The following KCNIP4 variants were observed in gnomAD, a reference collection of about 807,000 sequenced individuals.
The protein encoded by KCNIP4 is potassium voltage-gated channel interacting protein 4.
A neutral mutation model predicts 34.0 loss-of-function variants in KCNIP4; 12 were observed. The ratio of observed to expected loss-of-function variants is 0.35; its 90% CI spans 0.23 to 0.57. The LOEUF (loss-of-function observed/expected upper bound fraction) is 0.57. Among genes scored for constraint, KCNIP4 ranks in the 20% least tolerant of loss-of-function variants. KCNIP4 has a pLI of 0.83. For missense variants in KCNIP4, 238 were observed against 311.7 expected, an observed-to-expected ratio of 0.76 and a Z score of 1.78; for synonymous variants, 124 against 102.2, an observed-to-expected ratio of 1.21 and a Z score of -1.29.
At chr4:21,174,872 C>G (rs995277425) in intron 1 of KCNIP4, among the ~76,000 whole-genome samples, 1 of 150,142 alleles carries the variant, frequency 6.7e-6, no homozygotes, top group African/African-American at 2.5e-5. Flanking sequence ...TGCACTCCAG[C>G]CCCTGGGTGA....
chr4:21,029,632 G>C (rs1330670849), intron 1 of KCNIP4, among the ~76,000 whole-genome samples: 1 of 152,182 alleles, frequency 6.6e-6, no homozygotes, highest in Admixed American at 6.5e-5. Flanking sequence ...ACCATTGGAG[G>C]GAAGCTGTTG....
intron 1 of KCNIP4, among the ~76,000 whole-genome samples, chr4:21,043,918 G>C (rs897239377): frequency 6.6e-6 from 1 of 152,094 alleles, no homozygotes; most frequent in Non-Finnish European, 1.5e-5. Context: ...TGGTCCTATA[G>C]TATCCAAATC....
At chr4:21,352,771 A>C (rs1184003795) in intron 1 of KCNIP4, among the ~76,000 whole-genome samples, 4 of 152,220 alleles carry the variant, frequency 2.6e-5, no homozygotes, top group Non-Finnish European at 4.4e-5. Context: ...TGAAGAGAGC[A>C]GTGGTTCTCC....
At chr4:21,690,925 A>G (rs541704796) in intron 1 of KCNIP4, among the ~76,000 whole-genome samples, 26 of 152,284 alleles carry the variant, frequency 1.7e-4, no homozygotes, top group African/African-American at 6.0e-4. Context: ...ACATACAGAG[A>G]AATATTTGAG....
intron 1 of KCNIP4, among the ~76,000 whole-genome samples, chr4:21,608,059 T>C (rs1312643156): frequency 6.6e-6 from 1 of 152,058 alleles, no homozygotes; most frequent in African/African-American, 2.4e-5. Flanking sequence ...TTACTCATGG[T>C]GCTTTTCTCT....
chr4:21,302,707 G>A (rs774525010), intron 1 of KCNIP4, among the ~76,000 whole-genome samples: 4 of 151,792 alleles, frequency 2.6e-5, no homozygotes, highest in East Asian at 3.9e-4. Context: ...CGCCTCCTGC[G>A]CCCTGCATCC....
At chr4:20,968,204 A>T (rs1371759444) in intron 1 of KCNIP4, among the ~76,000 whole-genome samples, 1 of 152,246 alleles carries the variant, frequency 6.6e-6, no homozygotes, top group Non-Finnish European at 1.5e-5. Flanking sequence ...CATCAGAGAA[A>T]TGCAAATCAA....
In KCNIP4 at chr4:21,710,599, C is replaced by T. The variant is rs570116947; in HGVS notation, c.61+237972G>A. Among the ~76,000 whole-genome samples, 78 of 152,262 alleles carry T rather than the reference C, an allele frequency of 5.1e-4. 1 individual carries two copies. The highest frequency in any genetic ancestry group is 1.8e-3 in the African/African-American group (73 of 41,562). ...TGCAGATCCAGCCACAGCTGACCTT[C>T]GGCCCCATGTGAACTCTGTAGCCAA... is the stretch of plus-strand genomic sequence containing the variant. On this transcript the variant is annotated intron_variant, in intron 1 of 8. Coordinates refer to ENST00000382152, the MANE Select transcript of KCNIP4 (RefSeq NM_025221.6).
rs6816075 is a variant in KCNIP4 at position 21,370,882 on chromosome 4, C to T, written c.62-488173G>A. On this transcript the variant is annotated intron_variant, in intron 1 of 8. Coordinates refer to ENST00000382152, the MANE Select transcript of KCNIP4 (RefSeq NM_025221.6). ...ACACACACACACACACACACACACA[C>T]GTGTGTGTGTGTGTGTGTGTATTAG... Among the ~76,000 whole-genome samples, 266 of 39,274 alleles carry T rather than the reference C, an allele frequency of 6.8e-3. 27 individuals carry two copies. Among genetic ancestry groups the T allele is most frequent in the South Asian group, 8.1e-3 (7 of 864 alleles). The allele number at this position is 39,274 out of a possible 152,430, so 25.8% of individuals were successfully genotyped here. A position where few individuals can be genotyped will look rare whatever the true frequency, so the allele number is the denominator to read the frequency against.
chr4:21,593,123 G>T lies in KCNIP4; in HGVS notation c.61+355448C>A, dbSNP rs865811565. Among the ~76,000 whole-genome samples, 815 of 150,004 alleles carry T rather than the reference G, an allele frequency of 5.4e-3. 9 individuals are homozygous for T. Among genetic ancestry groups the T allele is most frequent in the African/African-American group, 0.018 (739 of 40,800 alleles). On this transcript the variant is annotated intron_variant, in intron 1 of 8. Coordinates refer to ENST00000382152, the MANE Select transcript of KCNIP4 (RefSeq NM_025221.6). Reference sequence around the variant, plus strand: ...AAATAATGTGTGTGTGTGTGTTTGTGTGTGTGTGTGTGTGTGTGTGTGTTT... The same window carrying T: ...AAATAATGTGTGTGTGTGTGTTTGTTTGTGTGTGTGTGTGTGTGTGTGTTT...
chr4:20,932,753 T>C (rs898805254), intron 1 of KCNIP4, among the ~76,000 whole-genome samples: 1 of 152,174 alleles, frequency 6.6e-6, no homozygotes, highest in African/African-American at 2.4e-5. Flanking sequence ...TTTTTAAAGA[T>C]TTTAACATAA....
chr4:21,085,384 A>G (rs962198604), intron 1 of KCNIP4, among the ~76,000 whole-genome samples: 4 of 152,188 alleles, frequency 2.6e-5, no homozygotes, highest in Non-Finnish European at 5.9e-5. Flanking sequence ...CATTCAGTCT[A>G]TATAGTATTC....
chr4:21,280,043 G>T (rs1255099733), intron 1 of KCNIP4, among the ~76,000 whole-genome samples: 1 of 152,146 alleles, frequency 6.6e-6, no homozygotes, highest in Non-Finnish European at 1.5e-5. Context: ...TCAGTTTCTA[G>T]TCACTCAGTT....
At chr4:21,903,499 G>A (rs1205784297) in intron 1 of KCNIP4, among the ~76,000 whole-genome samples, 1 of 152,134 alleles carries the variant, frequency 6.6e-6, no homozygotes, top group Non-Finnish European at 1.5e-5. Context: ...GTCTTTCAAA[G>A]CTTAAACAGA....
At chr4:20,823,858 A>C (rs1013635034) in intron 3 of KCNIP4, among the ~76,000 whole-genome samples, 1 of 152,220 alleles carries the variant, frequency 6.6e-6, no homozygotes. Context: ...CAATAGTCAA[A>C]GCCTTAAAAT....
intron 1 of KCNIP4, among the ~76,000 whole-genome samples, chr4:21,731,114 C>A (rs377580658): frequency 2.3e-4 from 31 of 135,132 alleles, no homozygotes; most frequent in Admixed American, 2.9e-4. Flanking sequence ...GAACCTGTCT[C>A]AAAAAAAAAA....
At chr4:21,677,906 C>T (rs541769553) in intron 1 of KCNIP4, among the ~76,000 whole-genome samples, 3 of 152,154 alleles carry the variant, frequency 2.0e-5, no homozygotes, top group Non-Finnish European at 4.4e-5. Flanking sequence ...TGAGTCACCA[C>T]ACCTGGCTAA....
At chr4:21,282,457 T>TGA (rs1321034233) in intron 1 of KCNIP4, among the ~76,000 whole-genome samples, 10 of 106,670 alleles carry the variant, frequency 9.4e-5, no homozygotes, top group Non-Finnish European at 1.6e-4. Context: ...AAAAGATGTG[T>TGA]GAGTGTGTGT....
intron 1 of KCNIP4, among the ~76,000 whole-genome samples, chr4:21,413,135 C>T (rs937100769): frequency 1.4e-4 from 22 of 152,138 alleles, no homozygotes; most frequent in African/African-American, 5.3e-4. Flanking sequence ...TTAGACTAAC[C>T]ATCATATTTT....
Sources: gnomAD v4.1 joint callset for allele counts (sites outside exome capture counted in the v4.1 genomes callset) on GRCh38, gnomAD v4.1.1 for gene constraint, MANE v1.5 for transcripts, NCBI Gene and HGNC (gene_info 2026-07-23, HGNC 2026-07-21) for gene names.